ADGRL2: variants seen among roughly 807,000 people sequenced by gnomAD.
ADGRL2 encodes calcium-independent alpha-latrotoxin receptor 2.
Under a neutral mutation model 157.4 loss-of-function variants are expected in ADGRL2, and 44 were observed. The observed-to-expected ratio is 0.28, with a 90% confidence interval of 0.22 to 0.36. The LOEUF (loss-of-function observed/expected upper bound fraction) is 0.36, where lower values mean the gene tolerates loss of function less well. Ranked by LOEUF, ADGRL2 falls within the 10% of genes least tolerant of loss-of-function variation. ADGRL2 has a pLI of 1.00. For synonymous variants in ADGRL2, 585 were observed against 624.7 expected, an observed-to-expected ratio of 0.94 and a Z score of 0.95; for missense variants, 1,510 against 1,768.9, an observed-to-expected ratio of 0.85 and a Z score of 2.63.
intron 2 of ADGRL2, among the ~76,000 whole-genome samples, chr1:81,451,491 TC>T (rs2077702118): frequency 1.3e-5 from 2 of 152,210 alleles, no homozygotes; most frequent in African/African-American, 4.8e-5. Flanking sequence ...TGTATTTCTT[TC>T]TAGCCCTTTT....
intron 3 of ADGRL2, among the ~76,000 whole-genome samples, chr1:81,677,282 G>T (rs1159039028): frequency 6.6e-6 from 1 of 152,148 alleles, no homozygotes; most frequent in Non-Finnish European, 1.5e-5. Flanking sequence ...ACCACACCTG[G>T]CCCAACTCAT....
chr1:81,741,349 A>T (rs2085068131), intron 1 of ADGRL2, among the ~76,000 whole-genome samples: 1 of 152,066 alleles, frequency 6.6e-6, no homozygotes, highest in African/African-American at 2.4e-5. Flanking sequence ...TTACATTTTT[A>T]GTGCTAACCA....
intron 1 of ADGRL2, among the ~76,000 whole-genome samples, chr1:81,411,277 G>A (rs2076940741): frequency 6.6e-6 from 1 of 152,252 alleles, no homozygotes; most frequent in South Asian, 2.1e-4. Context: ...ACTATAGAAA[G>A]TATTTTGGGA....
chr1:81,874,635 T>TTGTCCTGTCCTGTCCTGTCC (rs1210488629), intron 2 of ADGRL2, among the ~76,000 whole-genome samples: 2 of 112,770 alleles, frequency 1.8e-5, no homozygotes, highest in African/African-American at 6.0e-5. Context: ...TTGTCTTGTC[T>TTGTCCTGTCCTGTCCTGTCC]TGTCCTGTCC....
intron 3 of ADGRL2, among the ~76,000 whole-genome samples, chr1:81,652,779 G>A (rs1163634219): frequency 6.6e-6 from 1 of 152,130 alleles, no homozygotes; most frequent in African/African-American, 2.4e-5. Flanking sequence ...GCTTCCGGAT[G>A]CCCTCTTCCA....
At chr1:81,853,875 T>C (rs1308847493) in intron 2 of ADGRL2, among the ~76,000 whole-genome samples, 1 of 152,142 alleles carries the variant, frequency 6.6e-6, no homozygotes, top group African/African-American at 2.4e-5. Flanking sequence ...TAAATACTGC[T>C]CAAATTAAAG....
intron 2 of ADGRL2, among the ~76,000 whole-genome samples, chr1:81,874,690 G>A (rs556031952): frequency 2.7e-5 from 4 of 146,106 alleles, no homozygotes; most frequent in South Asian, 4.3e-4. Context: ...TTGCCTCTTC[G>A]CTTCTCTTCT....
intron 1 of ADGRL2, among the ~76,000 whole-genome samples, chr1:81,329,317 C>T (rs564900231): frequency 3.9e-5 from 6 of 152,134 alleles, no homozygotes; most frequent in African/African-American, 1.4e-4. Context: ...AAAGGCTCAT[C>T]TTTATGTCTC....
intron 3 of ADGRL2, among the ~76,000 whole-genome samples, chr1:81,594,613 A>G (rs2081196506): frequency 6.6e-6 from 1 of 152,230 alleles, no homozygotes; most frequent in African/African-American, 2.4e-5. Context: ...AGTGGCTTGA[A>G]TTGAACAAAT....
At chr1:81,314,954 A>ATAAACAGCATTTGGTCT (rs1180079991) in intron 1 of ADGRL2, among the ~76,000 whole-genome samples, 2 of 152,206 alleles carry the variant, frequency 1.3e-5, no homozygotes, top group African/African-American at 4.8e-5. Flanking sequence ...CTGAGAAAAT[A>ATAAACAGCATTTGGTCT]TAAACAGCAT....
intron 1 of ADGRL2, among the ~76,000 whole-genome samples, chr1:81,824,753 T>G (rs2091301453): frequency 6.6e-6 from 1 of 152,184 alleles, no homozygotes; most frequent in African/African-American, 2.4e-5. Flanking sequence ...TTTTAAACTA[T>G]CAAGTTTATT....
intron 3 of ADGRL2, among the ~76,000 whole-genome samples, chr1:81,599,377 C>T (rs913863504): frequency 6.6e-6 from 1 of 152,160 alleles, no homozygotes; most frequent in Non-Finnish European, 1.5e-5. Flanking sequence ...AGAAACAGCA[C>T]TACCAGCCCT....
At chr1:81,667,572 T>A (rs1211303671) in intron 3 of ADGRL2, among the ~76,000 whole-genome samples, 5 of 152,232 alleles carry the variant, frequency 3.3e-5, no homozygotes, top group African/African-American at 1.2e-4. Flanking sequence ...TACTTTGTAC[T>A]TTTTATCTTG....
chr1:81,511,499 T>C (rs140440967), intron 2 of ADGRL2, among the ~76,000 whole-genome samples: 1,632 of 151,920 alleles, frequency 0.011, 20 homozygotes, highest in East Asian at 0.034. Flanking sequence ...GCAAGATTAA[T>C]GATTACTTCT....
chr1:81,939,033 C>T (rs1328456518), intron 4 of ADGRL2, among the ~76,000 whole-genome samples: 1 of 151,548 alleles, frequency 6.6e-6, no homozygotes, highest in African/African-American at 2.4e-5. Context: ...TTTTTTACCA[C>T]TTGGCTTTAT....
Position 81,832,948 on chromosome 1 carries a change from T to C in ADGRL2, c.-100-3937T>C, listed in dbSNP as rs1372672568. 2.6e-5 allele frequency among the ~76,000 whole-genome samples: 4 copies of C among 152,314 alleles called. No homozygotes were observed. The East Asian group carries it at 5.8e-4, about 22-fold the overall frequency. ...TATTTCTGAAAAGTGAATAACCTGATTGAGGTTCAGCTAAAGTGAAATAAA... is the reference window on the plus strand; with the variant it reads ...TATTTCTGAAAAGTGAATAACCTGACTGAGGTTCAGCTAAAGTGAAATAAA... On this transcript the variant is annotated intron_variant, in intron 1 of 23. Transcript: ENST00000686636.
chr1:81,644,823 T>C (rs1016050146), intron 3 of ADGRL2, among the ~76,000 whole-genome samples: 1 of 152,130 alleles, frequency 6.6e-6, no homozygotes, highest in South Asian at 2.1e-4. Context: ...ATATGTAAAA[T>C]CTCTGTGCCT....
chr1:81,655,603 T>A (rs1345241535), intron 3 of ADGRL2, among the ~76,000 whole-genome samples: 1 of 152,184 alleles, frequency 6.6e-6, no homozygotes, highest in African/African-American at 2.4e-5. Flanking sequence ...TGCTTTTACC[T>A]ATTTTACCTT....
intron 3 of ADGRL2, among the ~76,000 whole-genome samples, chr1:81,672,081 C>G (rs999050503): frequency 1.3e-5 from 2 of 152,198 alleles, no homozygotes; most frequent in Non-Finnish European, 2.9e-5. Context: ...GCCTTTCATA[C>G]TGATTCCTCC....
Sources: gnomAD v4.1 joint callset for allele counts (sites outside exome capture counted in the v4.1 genomes callset) on GRCh38, gnomAD v4.1.1 for gene constraint, MANE v1.5 for transcripts, NCBI Gene and HGNC (gene_info 2026-07-23, HGNC 2026-07-21) for gene names.